SRFBP1: variants seen among roughly 807,000 people sequenced by gnomAD.
SRFBP1 encodes the protein serum response factor-binding protein 1.
In SRFBP1, 47 loss-of-function variants were observed where a neutral mutation model predicts 45.5. The ratio of observed to expected loss-of-function variants is 1.03; its 90% confidence interval spans 0.82 to 1.32. The LOEUF (loss-of-function observed/expected upper bound fraction) is 1.32. Among genes scored for constraint, SRFBP1 ranks in the 40% most tolerant of loss-of-function variants. The pLI is 0.00. For synonymous variants in SRFBP1, 203 were observed against 166.3 expected (o/e 1.22, Z -1.70); for missense variants, 621 against 484.6 (o/e 1.28, Z -2.64).
At position 122,053,692 on chromosome 5, in the gene SRFBP1, G is replaced by A. The variant is rs560914671; in HGVS notation, n.312-21623G>A. On this transcript the variant is annotated intron_variant and non_coding_transcript_variant, in intron 2 of 2. Coordinates refer to the SRFBP1 transcript ENST00000504881. ...CTGACTACCAGTGGTGAGGATGGGT[G>A]GAGTGTCATGCACCCTGCTGTCCAA... Among the ~76,000 whole-genome samples, 9 of 152,154 alleles carry A rather than the reference G, an allele frequency of 5.9e-5. No individual in the cohort carries two copies. The South Asian group carries it at 1.9e-3, about 32-fold the overall frequency.
intron 4 of SRFBP1, among the ~76,000 whole-genome samples, chr5:122,004,794 T>G (rs1057354674): frequency 9.2e-5 from 14 of 152,182 alleles, no homozygotes; most frequent in African/African-American, 3.1e-4. Flanking sequence ...GCTATGAACT[T>G]CTCTCTTAGA....
intron 3 of SRFBP1, among the ~76,000 whole-genome samples, chr5:121,992,730 C>G (rs1752643584): frequency 6.6e-6 from 1 of 152,086 alleles, no homozygotes; most frequent in Admixed American, 6.6e-5. Context: ...CTTTCTCAAT[C>G]AAATAACATG....
intron 4 of SRFBP1, among the ~76,000 whole-genome samples, chr5:121,996,598 T>A (rs866838487): frequency 2.1e-3 from 95 of 45,894 alleles, no homozygotes; most frequent in African/African-American, 6.2e-3. Context: ...CTTTGAAAAC[T>A]GGCACAAGAC....
At chr5:122,063,400 A>C (rs939922305) in intron 2 of SRFBP1, 1 of 151,910 alleles carries the variant, frequency 6.6e-6, no homozygotes, top group Non-Finnish European at 1.5e-5. Context: ...TAAAAACCTA[A>C]CACCAAATGA....
chr5:122,052,183 T>C (rs1410595528), intron 2 of SRFBP1, among the ~76,000 whole-genome samples: 1 of 152,186 alleles, frequency 6.6e-6, no homozygotes, highest in Non-Finnish European at 1.5e-5. Context: ...TTTAACATTT[T>C]TTCTTTCATT....
chr5:121,994,670 G>A lies in SRFBP1; in HGVS notation c.270G>A (p.Lys90=), dbSNP rs992695826. The change falls in exon 4 of 8, where the codon AAG becomes AAA. Residue 90 remains lysine (K), a splice_region_variant and synonymous_variant. Coordinates refer to ENST00000339397, the MANE Select transcript of SRFBP1 (RefSeq NM_152546.3). ...TCAACTTTGAAAAAATCTTCAAAAA[G>A]GTATATCTGCAATAGATTATATTTG... ...DDINFEKIFK[K]PDSTATERAI... 3 of 1,567,110 alleles carry A rather than the reference G, an allele frequency of 1.9e-6. No individual in the cohort carries two copies. The highest frequency in any genetic ancestry group is 1.7e-6 in the Non-Finnish European group (2 of 1,147,524).
chr5:122,010,311 C>T (rs184079406), intron 4 of SRFBP1, among the ~76,000 whole-genome samples: 2 of 152,020 alleles, frequency 1.3e-5, no homozygotes, highest in Non-Finnish European at 1.5e-5. Context: ...TTTATGTGTT[C>T]GTTCTTCCTT....
At chr5:122,059,304 G>A (rs1754134393) in intron 2 of SRFBP1, among the ~76,000 whole-genome samples, 1 of 152,082 alleles carries the variant, frequency 6.6e-6, no homozygotes, top group Admixed American at 6.6e-5. Flanking sequence ...TGAGGTTGGA[G>A]GTCTGTTATT....
In SRFBP1 at chr5:122,033,984, C is replaced by T. The variant is rs145257047; in HGVS notation, n.311+11577C>T. ...GATTACAGGCACACGCCACCACGCC[C>T]AGCTAATTTTCGGGTTTTTAGTAGA... On this transcript the variant is annotated intron_variant and non_coding_transcript_variant, in intron 2 of 2. Coordinates refer to the SRFBP1 transcript ENST00000504881. Among the ~76,000 whole-genome samples the T allele has an allele frequency of 4.0e-3, 613 of 151,528 alleles. 14 individuals carry two copies. The East Asian group carries it at 0.052, about 13-fold the overall frequency.
At position 122,027,158 on chromosome 5, in the gene SRFBP1, A is replaced by T. The variant is rs747071598; in HGVS notation, c.*32A>T. 1.4e-5 allele frequency: 12 copies of T among 846,688 alleles called. No homozygotes were observed. Among genetic ancestry groups the T allele is most frequent in the Admixed American group, 6.8e-5 (2 of 29,464 alleles). The allele number at this position is 846,688 out of a possible 1,614,324, so 52.4% of individuals were successfully genotyped here. ...CCTCTTTCTGCAAACTTTTCCATCT[A>T]AAAAAAAAAATGTTTTTTTTAAGAC... On this transcript the variant is annotated 3_prime_UTR_variant, in exon 8 of 8. Transcript: ENST00000339397.
chr5:122,053,778 C>T (rs1754031157), intron 2 of SRFBP1, among the ~76,000 whole-genome samples: 1 of 152,156 alleles, frequency 6.6e-6, no homozygotes, highest in African/African-American at 2.4e-5. Context: ...AGCAGGACCC[C>T]TGGGCCAGAA....
intron 1 of SRFBP1, among the ~76,000 whole-genome samples, chr5:121,971,045 G>T (rs371773727): frequency 6.6e-6 from 1 of 152,194 alleles, no homozygotes; most frequent in Non-Finnish European, 1.5e-5. Context: ...AGTGGAAATG[G>T]TAGGTGTAAA....
At chr5:122,069,403 A>G (rs1420212481) in intron 2 of SRFBP1, among the ~76,000 whole-genome samples, 1 of 152,146 alleles carries the variant, frequency 6.6e-6, no homozygotes, top group African/African-American at 2.4e-5. Context: ...ACAGACAGGC[A>G]TGCAGTCAAA....
chr5:121,975,141 G>C (rs1297297910), intron 2 of SRFBP1, among the ~76,000 whole-genome samples, 174 bp from the exon 3 acceptor site: 1 of 151,950 alleles, frequency 6.6e-6, no homozygotes. Context: ...GGTTTGGTTA[G>C]TAAATTGAGG....
At chr5:122,069,888 C>T in intron 2 of SRFBP1, 1 of 671,834 alleles carries the variant, frequency 1.5e-6, no homozygotes, top group Admixed American at 2.0e-5. Flanking sequence ...CTTTGCCTTC[C>T]ATTATTTAAA....
chr5:122,018,946 A>G (rs920256882), intron 4 of SRFBP1, among the ~76,000 whole-genome samples: 11 of 152,148 alleles, frequency 7.2e-5, no homozygotes, highest in Non-Finnish European at 1.5e-5. Flanking sequence ...CTTTGATAGT[A>G]AAAACTATGT....
At chr5:122,075,380 T>A in exon 3 of SRFBP1, 1 of 1,574,034 alleles carries the variant, frequency 6.4e-7, no homozygotes, top group Non-Finnish European at 8.6e-7. Flanking sequence ...AACCCAAAAG[T>A]ACCCAGGAGG....
intron 1 of SRFBP1, among the ~76,000 whole-genome samples, chr5:121,972,335 A>G (rs932762751): frequency 1.3e-5 from 2 of 151,902 alleles, no homozygotes; most frequent in African/African-American, 4.8e-5. Flanking sequence ...TTCCCAACTG[A>G]TAATTATTTT....
chr5:122,013,219 T>C (rs1289959745), intron 4 of SRFBP1, among the ~76,000 whole-genome samples: 1 of 152,164 alleles, frequency 6.6e-6, no homozygotes, highest in Non-Finnish European at 1.5e-5. Flanking sequence ...TGAATATATT[T>C]TGTTAAGTAT....
Sources: allele counts gnomAD v4.1 joint callset (sites outside exome capture counted in the v4.1 genomes callset), GRCh38; gene constraint gnomAD v4.1.1; transcripts MANE v1.5; gene names NCBI Gene and HGNC (gene_info 2026-07-23, HGNC 2026-07-21).